Variants in PCDHA7 observed in about 807,000 individuals in gnomAD.
The protein encoded by PCDHA7 is protocadherin alpha 7, also known as protocadherin alpha-7.
PCDHA7 carries 37 observed loss-of-function variants against 57.2 expected under a neutral mutation model. The observed-to-expected ratio is 0.65, with a 90% CI of 0.50 to 0.85. The LOEUF is 0.85. Ranked by LOEUF, PCDHA7 falls within the 40% of genes least tolerant of loss-of-function variation. The probability of loss-of-function intolerance (pLI) is 0.00; values close to 1 mark genes in which losing one functional copy is unlikely to be tolerated. For missense variants in PCDHA7, 1,188 were observed against 1,241.8 expected, an observed-to-expected ratio of 0.96 and a Z score of 0.65; for synonymous variants, 553 against 558.8, an observed-to-expected ratio of 0.99 and a Z score of 0.15.
intron 1 of PCDHA7, chr5:140,849,320 G>A (rs1562454724): frequency 1.5e-6 from 2 of 1,335,992 alleles, no homozygotes; most frequent in East Asian, 2.4e-5. Context: ...GCTTGAATGG[G>A]GATATTATTT....
At chr5:140,972,276 A>G (rs1471308188) in intron 1 of PCDHA7, among the ~76,000 whole-genome samples, 1 of 150,442 alleles carries the variant, frequency 6.6e-6, no homozygotes, top group Non-Finnish European at 1.5e-5. Flanking sequence ...AGTAGCTTGG[A>G]CCATAGATGT....
At position 140,849,935 on chromosome 5, in the gene PCDHA7, G is replaced by C. The variant is rs2150458512; in HGVS notation, c.2355+13197G>C. The C allele has an allele frequency of 9.4e-6, 15 of 1,598,054 alleles. 1 individual carries two copies. In the East Asian group the frequency reaches 3.1e-4, roughly 33 times the overall value. On this transcript the variant is annotated intron_variant, in intron 1 of 3. Transcript: ENST00000525929. ...GCCACATCTTCACGGTGTCTGCGCG[G>C]GACGCTGACGCGCAGGAGAACGCCC...
intron 1 of PCDHA7, among the ~76,000 whole-genome samples, chr5:140,947,914 GCCTTAAC>G (rs2094192185): frequency 6.6e-6 from 1 of 151,456 alleles, no homozygotes. Context: ...AGACATTCTT[GCCTTAAC>G]CCTGATCTTA....
At chr5:140,964,629 T>C (rs1315614801) in intron 1 of PCDHA7, among the ~76,000 whole-genome samples, 1 of 152,028 alleles carries the variant, frequency 6.6e-6, no homozygotes, top group Non-Finnish European at 1.5e-5. Context: ...TTATAAGCCA[T>C]TTATTTTCAG....
At chr5:140,941,185 C>CTTTT (rs782102770) in intron 1 of PCDHA7, among the ~76,000 whole-genome samples, 28 of 102,174 alleles carry the variant, frequency 2.7e-4, no homozygotes, top group African/African-American at 6.8e-4. Flanking sequence ...CATCCTGCTT[C>CTTTT]TTTTTTTTTC....
intron 1 of PCDHA7, chr5:140,841,584 C>G (rs2150318562): frequency 1.2e-6 from 2 of 1,614,028 alleles, no homozygotes; most frequent in South Asian, 1.1e-5. Flanking sequence ...TTTGTGAATT[C>G]TCGGATCGAC....
chr5:140,865,358 A>G (rs935527495), intron 1 of PCDHA7: 2 of 152,230 alleles, frequency 1.3e-5, no homozygotes, highest in Non-Finnish European at 2.9e-5. Flanking sequence ...TACATATTGC[A>G]GGATAACCAT....
chr5:140,858,249 A>G lies in PCDHA7; in HGVS notation c.2355+21511A>G, dbSNP rs782165070. Reference sequence around the variant, plus strand: ...ACCGAGGGCGCATGTGGGCCGGTGAAGCCCACGCTGGTGTGCTCTAGCGCG... The same window carrying G: ...ACCGAGGGCGCATGTGGGCCGGTGAGGCCCACGCTGGTGTGCTCTAGCGCG... On this transcript the variant is annotated intron_variant, in intron 1 of 3. Coordinates refer to ENST00000525929, the MANE Select transcript of PCDHA7 (RefSeq NM_018910.3). 53 of 1,596,100 alleles carry G rather than the reference A, an allele frequency of 3.3e-5. 6 individuals are homozygous for G. The highest frequency in any genetic ancestry group is 4.5e-5 in the Non-Finnish European group (52 of 1,166,170).
intron 1 of PCDHA7, chr5:140,926,762 C>T: frequency 7.5e-7 from 1 of 1,326,672 alleles, no homozygotes; most frequent in Non-Finnish European, 9.8e-7. Context: ...CGCTGAGTAT[C>T]CAGCCCGCAG....
intron 1 of PCDHA7, chr5:140,861,416 C>A (rs1053647411): frequency 8.4e-6 from 4 of 476,934 alleles, no homozygotes; most frequent in African/African-American, 6.0e-5. Context: ...TGATACCGCG[C>A]CTGTTTCAGT....
At position 140,863,274 on chromosome 5, in the gene PCDHA7, G is replaced by T. The variant is rs782533377; in HGVS notation, c.2355+26536G>T. 8.9e-6 allele frequency: 13 copies of T among 1,461,580 alleles called. No individual in the cohort carries two copies. In the African/African-American group the frequency reaches 1.8e-4, roughly 21 times the overall value. 90.5% of individuals were successfully genotyped at this position (1,461,580 alleles called of 1,614,324 possible). On this transcript the variant is annotated intron_variant, in intron 1 of 3. Coordinates refer to ENST00000525929, the MANE Select transcript of PCDHA7 (RefSeq NM_018910.3). Reference sequence around the variant, plus strand: ...TCGAGGTCCGGGAGGCAGCGCTGGTGGATGTCAACGTGTACCTGATCATCG... The same window carrying T: ...TCGAGGTCCGGGAGGCAGCGCTGGTTGATGTCAACGTGTACCTGATCATCG...
At chr5:140,858,837 T>A (rs2045615327) in intron 1 of PCDHA7, 1 of 319,506 alleles carries the variant, frequency 3.1e-6, no homozygotes, top group Non-Finnish European at 5.9e-6. Context: ...TACCAAAAAA[T>A]TCCACTGATC....
intron 1 of PCDHA7, chr5:140,841,601 G>T: frequency 6.2e-7 from 1 of 1,614,136 alleles, no homozygotes; most frequent in Non-Finnish European, 8.5e-7. Context: ...CGACCGCGAG[G>T]AGCTGTGCGG....
chr5:140,845,773 A>G lies in PCDHA7; in HGVS notation c.2355+9035A>G, dbSNP rs1780027224. Among the ~76,000 whole-genome samples, 2 of 149,724 alleles carry G rather than the reference A, an allele frequency of 1.3e-5. 1 individual carries two copies. Among genetic ancestry groups the G allele is most frequent in the Non-Finnish European group, 3.0e-5 (2 of 66,920 alleles). ...TTGTATCAAGTAAGTTAATAGTTAT[A>G]AATTATTAATAATAAACTCTGGCAA... On this transcript the variant is annotated intron_variant, in intron 1 of 3. Transcript: ENST00000525929.
At chr5:140,972,415 A>G (rs1048437043) in intron 1 of PCDHA7, among the ~76,000 whole-genome samples, 2 of 152,138 alleles carry the variant, frequency 1.3e-5, no homozygotes, top group East Asian at 3.9e-4. Flanking sequence ...AACCCTGTTA[A>G]GATCTTTTAT....
chr5:140,964,812 T>C (rs2095855698), intron 1 of PCDHA7, among the ~76,000 whole-genome samples: 1 of 151,914 alleles, frequency 6.6e-6, no homozygotes, highest in Non-Finnish European at 1.5e-5. Flanking sequence ...GAGACAGGAA[T>C]AGATTTTGAT....
chr5:140,912,889 G>T (rs782116758), intron 1 of PCDHA7, among the ~76,000 whole-genome samples: 8 of 152,140 alleles, frequency 5.3e-5, no homozygotes, highest in Non-Finnish European at 1.2e-4. Context: ...TCATTCTGTT[G>T]ATATGATGTA....
intron 1 of PCDHA7, chr5:140,850,243 G>A: frequency 6.3e-7 from 1 of 1,593,880 alleles, no homozygotes; most frequent in Non-Finnish European, 8.6e-7. Flanking sequence ...ATGGTGCTGC[G>A]GTCGGTGGGC....
intron 1 of PCDHA7, chr5:140,967,642 C>T (rs1554229731): frequency 1.2e-6 from 2 of 1,614,164 alleles, no homozygotes. Flanking sequence ...ATGGTGAGCT[C>T]AGGTACTCCT....
Sources: allele counts gnomAD v4.1 joint callset (sites outside exome capture counted in the v4.1 genomes callset), GRCh38; gene constraint gnomAD v4.1.1; transcripts MANE v1.5; gene names NCBI Gene and HGNC (gene_info 2026-07-23, HGNC 2026-07-21).